Variants in NUBPL observed in about 807,000 individuals in gnomAD.
NUBPL encodes the protein iron-sulfur cluster transfer protein NUBPL.
NUBPL carries 31 observed loss-of-function variants against 45.7 expected under a neutral mutation model. That is an observed-to-expected ratio of 0.68 (90% CI 0.51 to 0.92). The LOEUF is 0.92. Among genes scored for constraint, NUBPL ranks in the 40% least tolerant of loss-of-function variants. The pLI, the probability that NUBPL is intolerant of heterozygous loss-of-function variation, is 0.00. For synonymous variants in NUBPL, 144 were observed against 140.9 expected (o/e 1.02, Z -0.15); for missense variants, 401 against 398.7 (o/e 1.01, Z -0.05).
At chr14:31,606,216 C>A (rs1055194586) in intron 4 of NUBPL, among the ~76,000 whole-genome samples, 1 of 151,284 alleles carries the variant, frequency 6.6e-6, no homozygotes, top group Non-Finnish European at 1.5e-5. Flanking sequence ...TCCTCAGCCT[C>A]CCAAGTAGCT....
At chr14:31,599,411 T>C (rs745720385) in intron 4 of NUBPL, 32 bp downstream of exon 4, 3 of 1,429,718 alleles carry the variant, frequency 2.1e-6, no homozygotes, top group East Asian at 2.3e-5. Flanking sequence ...ATTATAATAA[T>C]AGTTGCACTT....
intron 8 of NUBPL, among the ~76,000 whole-genome samples, chr14:31,827,964 G>A (rs2040131788): frequency 6.6e-6 from 1 of 152,212 alleles, no homozygotes; most frequent in African/African-American, 2.4e-5. Context: ...GCACAGTGCT[G>A]TGGGTATTGG....
chr14:31,704,585 C>T (rs1044132230), intron 6 of NUBPL, among the ~76,000 whole-genome samples: 1 of 152,064 alleles, frequency 6.6e-6, no homozygotes, highest in African/African-American at 2.4e-5. Context: ...ATCGCTTGAA[C>T]CTGGGAGGCG....
intron 7 of NUBPL, among the ~76,000 whole-genome samples, chr14:31,812,255 C>G (rs1739117042): frequency 6.6e-6 from 1 of 152,194 alleles, no homozygotes; most frequent in African/African-American, 2.4e-5. Context: ...GAGGTGGAGC[C>G]TACAGAGACA....
intron 1 of NUBPL, 114 bp downstream of exon 1, chr14:31,561,661 A>C: frequency 1.4e-6 from 1 of 706,912 alleles, no homozygotes; most frequent in South Asian, 2.9e-5. Context: ...TGAGACCCCC[A>C]GTGTGCTGGA....
At chr14:31,652,175 C>A (rs1371247977) in intron 4 of NUBPL, among the ~76,000 whole-genome samples, 2 of 152,062 alleles carry the variant, frequency 1.3e-5, no homozygotes, top group East Asian at 3.9e-4. Flanking sequence ...AGACATTAAG[C>A]TTAATGAAAT....
At chr14:31,685,287 C>T (rs559229006) in intron 6 of NUBPL, among the ~76,000 whole-genome samples, 2 of 152,018 alleles carry the variant, frequency 1.3e-5, no homozygotes, top group African/African-American at 4.8e-5. Context: ...AATAGATGTT[C>T]GGTGGAAATT....
intron 4 of NUBPL, among the ~76,000 whole-genome samples, chr14:31,618,461 T>G (rs1216340928): frequency 6.6e-6 from 1 of 152,240 alleles, no homozygotes; most frequent in East Asian, 1.9e-4. Flanking sequence ...TCCCAGAGAT[T>G]CTGGTATGTT....
chr14:31,633,306 C>A lies in NUBPL; in HGVS notation c.382+33927C>A, dbSNP rs149281781. ...GTGGTGCTGTTACCACACATAACCA[C>A]AGATTATCACCAAACATATAACGTA... On this transcript the variant is annotated intron_variant, in intron 4 of 10. Transcript: ENST00000281081. Among the ~76,000 whole-genome samples, 378 of 152,320 alleles carry A rather than the reference C, an allele frequency of 2.5e-3. 5 individuals carry two copies. Among genetic ancestry groups the A allele is most frequent in the Middle Eastern group, 0.024 (7 of 294 alleles).
chr14:31,768,202 G>A (rs921406595), intron 6 of NUBPL, among the ~76,000 whole-genome samples: 1 of 152,104 alleles, frequency 6.6e-6, no homozygotes, highest in East Asian at 1.9e-4. Context: ...CCTGAGTTTG[G>A]CAGGAGCCTA....
chr14:31,780,180 A>C (rs966554519), intron 6 of NUBPL, among the ~76,000 whole-genome samples: 1 of 151,586 alleles, frequency 6.6e-6, no homozygotes, highest in African/African-American at 2.4e-5. Context: ...CTCCTGCCTC[A>C]GTCTCCAGAG....
At chr14:31,631,238 G>A (rs1264045558) in intron 4 of NUBPL, among the ~76,000 whole-genome samples, 2 of 152,112 alleles carry the variant, frequency 1.3e-5, no homozygotes, top group African/African-American at 4.8e-5. Flanking sequence ...GTGTCTGTGT[G>A]TGTGTGGGTT....
At chr14:31,581,925 A>G (rs1418362632) in intron 3 of NUBPL, among the ~76,000 whole-genome samples, 1 of 152,234 alleles carries the variant, frequency 6.6e-6, no homozygotes, top group Non-Finnish European at 1.5e-5. Context: ...GATGTACACA[A>G]ATTGCTAAAT....
At chr14:31,754,998 T>A in intron 6 of NUBPL, among the ~76,000 whole-genome samples, 1 of 151,792 alleles carries the variant, frequency 6.6e-6, no homozygotes, top group African/African-American at 2.4e-5. Context: ...GATTTCCAAT[T>A]TCATCCATGT....
intron 4 of NUBPL, among the ~76,000 whole-genome samples, chr14:31,643,481 G>A (rs1010827274): frequency 6.6e-6 from 1 of 152,106 alleles, no homozygotes; most frequent in African/African-American, 2.4e-5. Context: ...AACCATTCTT[G>A]TATCCCTGGG....
intron 6 of NUBPL, among the ~76,000 whole-genome samples, chr14:31,677,191 T>TTA (rs1477445932): frequency 6.6e-6 from 1 of 152,216 alleles, no homozygotes; most frequent in African/African-American, 2.4e-5. Context: ...AACAATCGAA[T>TTA]TATACTCTTT....
chr14:31,787,956 C>G, intron 7 of NUBPL, 83 bp downstream of exon 7: 1 of 874,746 alleles, frequency 1.1e-6, no homozygotes. Context: ...CCATGTTAGG[C>G]AAATATTTTG....
intron 6 of NUBPL, among the ~76,000 whole-genome samples, chr14:31,735,495 C>G (rs1222762369): frequency 1.3e-5 from 2 of 152,114 alleles, no homozygotes; most frequent in Admixed American, 1.3e-4. Context: ...TATTTTGTGT[C>G]TGCTTCTTAA....
At chr14:31,684,953 A>G (rs1351251825) in intron 6 of NUBPL, among the ~76,000 whole-genome samples, 1 of 152,220 alleles carries the variant, frequency 6.6e-6, no homozygotes, top group Non-Finnish European at 1.5e-5. Context: ...TGGGAGGAAA[A>G]GGAGTTAGTA....
Sources: gnomAD v4.1 joint callset for allele counts (sites outside exome capture counted in the v4.1 genomes callset) on GRCh38, gnomAD v4.1.1 for gene constraint, MANE v1.5 for transcripts, NCBI Gene and HGNC (gene_info 2026-07-23, HGNC 2026-07-21) for gene names.